Variants in ME1 observed in about 807,000 individuals in gnomAD.
ME1 encodes NADP-dependent malic enzyme.
In ME1, 74 loss-of-function variants were observed where a neutral mutation model predicts 66.4. The ratio of observed to expected loss-of-function variants is 1.11; its 90% CI spans 0.92 to 1.35. ME1 has a LOEUF of 1.35. ME1 is among the 40% of genes most tolerant of loss of function. ME1 has a pLI of 0.00. For missense variants in ME1, 750 were observed against 694.1 expected (o/e 1.08, Z -0.90); for synonymous variants, 251 against 235.6 (o/e 1.07, Z -0.60).
At chr6:83,254,978 A>G (rs990012392) in intron 6 of ME1, among the ~76,000 whole-genome samples, 1 of 151,670 alleles carries the variant, frequency 6.6e-6, no homozygotes, top group African/African-American at 2.4e-5. Flanking sequence ...TCAAACCACT[A>G]CCCCCTGATA....
chr6:83,382,750 A>G (rs952853538), intron 3 of ME1, among the ~76,000 whole-genome samples: 5 of 152,062 alleles, frequency 3.3e-5, no homozygotes, highest in African/African-American at 7.2e-5. Context: ...TCTCTGAGCA[A>G]CTCAGAGTAG....
intron 3 of ME1, among the ~76,000 whole-genome samples, chr6:83,375,756 G>C (rs1478278463): frequency 6.6e-6 from 1 of 152,090 alleles, no homozygotes; most frequent in Admixed American, 6.6e-5. Context: ...TTATTATTTT[G>C]AGATATGTTC....
At chr6:83,260,422 T>C (rs1275397888) in intron 6 of ME1, among the ~76,000 whole-genome samples, 2 of 152,218 alleles carry the variant, frequency 1.3e-5, no homozygotes, top group Non-Finnish European at 2.9e-5. Context: ...GTTGTTGTTT[T>C]TAAACTTTTA....
intron 2 of ME1, among the ~76,000 whole-genome samples, chr6:83,399,693 A>T (rs1323488631): frequency 6.6e-6 from 1 of 152,228 alleles, no homozygotes; most frequent in East Asian, 1.9e-4. Flanking sequence ...TGTAACCTTC[A>T]ATAGTTTATA....
intron 1 of ME1, among the ~76,000 whole-genome samples, chr6:83,429,723 ATAAC>A (rs1770445528): frequency 6.6e-6 from 1 of 152,200 alleles, no homozygotes; most frequent in African/African-American, 2.4e-5. Context: ...CACACTGACT[ATAAC>A]TTGTTAAATA....
At chr6:83,409,253 A>G (rs1770002364) in intron 1 of ME1, among the ~76,000 whole-genome samples, 1 of 152,204 alleles carries the variant, frequency 6.6e-6, no homozygotes, top group African/African-American at 2.4e-5. Flanking sequence ...GAAGGGACTA[A>G]GATAGTTAGT....
Position 83,407,880 on chromosome 6 carries a change from C to CT in ME1, c.99dup (p.Glu34ArgfsTer24). 6.2e-7 allele frequency: 1 copy of CT among 1,612,134 alleles called. No individual in the cohort carries two copies. The highest frequency in any genetic ancestry group is 8.5e-7 in the Non-Finnish European group (1 of 1,179,568). The stretch of plus-strand genomic sequence containing the variant: ...CCATGAATGTTCAATTGCTGTCTCT[C>CT]TTCCAGGGTAAAGGCCAAGTCCTAT... On this transcript the variant is annotated frameshift_variant, in exon 2 of 14. Transcript: ENST00000369705. LOFTEE classifies it high-confidence loss of function.
chr6:83,247,638 T>C (rs1282560329), intron 7 of ME1, among the ~76,000 whole-genome samples: 1 of 152,114 alleles, frequency 6.6e-6, no homozygotes, highest in African/African-American at 2.4e-5. Context: ...TGGAATGCAA[T>C]TTCTGTGCCT....
chr6:83,280,452 G>A (rs1442995879), intron 6 of ME1, among the ~76,000 whole-genome samples: 3 of 152,012 alleles, frequency 2.0e-5, no homozygotes, highest in Non-Finnish European at 4.4e-5. Context: ...TAAACTCTGA[G>A]GCAACCAATA....
intron 6 of ME1, among the ~76,000 whole-genome samples, chr6:83,309,048 G>C (rs115872801): frequency 2.0e-5 from 3 of 152,078 alleles, no homozygotes; most frequent in Non-Finnish European, 2.9e-5. Flanking sequence ...GTGGGCAAGG[G>C]GGGAAACTAG....
intron 1 of ME1, among the ~76,000 whole-genome samples, chr6:83,424,440 G>C (rs2127697949): frequency 6.6e-6 from 1 of 152,220 alleles, no homozygotes; most frequent in East Asian, 1.9e-4. Context: ...AGGAGAAATA[G>C]AGGAATGAAA....
chr6:83,220,309 CAGG>C (rs1190730957), intron 12 of ME1, among the ~76,000 whole-genome samples: 1 of 152,126 alleles, frequency 6.6e-6, no homozygotes, highest in African/African-American at 2.4e-5. Flanking sequence ...GCCTGTGATT[CAGG>C]AGAAGTGGTG....
intron 3 of ME1, among the ~76,000 whole-genome samples, chr6:83,354,614 C>A (rs1768855185): frequency 6.6e-6 from 1 of 152,152 alleles, no homozygotes; most frequent in Non-Finnish European, 1.5e-5. Flanking sequence ...AGTCAGTGCA[C>A]CTCCACCCCA....
intron 11 of ME1, 46 bp downstream of exon 11, chr6:83,227,289 G>A: frequency 4.4e-6 from 6 of 1,358,448 alleles, no homozygotes; most frequent in Non-Finnish European, 5.9e-6. Flanking sequence ...TCCCTATAAT[G>A]AATAAAAATT....
intron 3 of ME1, among the ~76,000 whole-genome samples, chr6:83,352,638 G>A (rs141327175): frequency 4.6e-5 from 7 of 152,196 alleles, no homozygotes; most frequent in Non-Finnish European, 1.0e-4. Context: ...CTTTCATGTG[G>A]AGCTCACTTG....
At chr6:83,428,309 T>C (rs1770411320) in intron 1 of ME1, among the ~76,000 whole-genome samples, 1 of 152,086 alleles carries the variant, frequency 6.6e-6, no homozygotes. Context: ...ACATTAAACA[T>C]AATAGGAAAT....
chr6:83,348,998 A>AC, intron 4 of ME1, among the ~76,000 whole-genome samples: 1 of 144,402 alleles, frequency 6.9e-6, no homozygotes, highest in African/African-American at 2.7e-5. Context: ...AAAAAAAAAA[A>AC]AAACAAAAAA....
At chr6:83,369,271 A>C (rs12213724) in intron 3 of ME1, among the ~76,000 whole-genome samples, 48,753 of 151,914 alleles carry the variant, frequency 0.32, 8,194 homozygotes, top group Middle Eastern at 0.5. Flanking sequence ...CTTTTCTATT[A>C]CTGACACTGA....
chr6:83,371,079 T>A (rs1330099222), intron 3 of ME1, among the ~76,000 whole-genome samples: 1 of 152,166 alleles, frequency 6.6e-6, no homozygotes, highest in African/African-American at 2.4e-5. Context: ...CTTTAGGTAA[T>A]CTCTATCATT....
Sources: gnomAD v4.1 joint callset for allele counts (sites outside exome capture counted in the v4.1 genomes callset) on GRCh38, gnomAD v4.1.1 for gene constraint, MANE v1.5 for transcripts, NCBI Gene and HGNC (gene_info 2026-07-23, HGNC 2026-07-21) for gene names.